The following TLN2 variants were observed in gnomAD, a reference collection of about 807,000 sequenced individuals.
TLN2 encodes the protein talin 2.
Under a neutral mutation model 294.7 loss-of-function variants are expected in TLN2, and 118 were observed. The ratio of observed to expected loss-of-function variants is 0.40; its 90% confidence interval spans 0.34 to 0.47. The LOEUF is 0.47. Among genes scored for constraint, TLN2 ranks in the 20% least tolerant of loss-of-function variants. The pLI is 0.84. For missense variants in TLN2, 3,083 were observed against 3,282.2 expected (o/e 0.94, Z 1.48); for synonymous variants, 1,431 against 1,304.5 (o/e 1.10, Z -2.09).
At position 62,711,913 on chromosome 15, in the gene TLN2, G is replaced by A. The variant is rs1379307798; in HGVS notation, c.2470G>A (p.Glu824Lys). The A allele has an allele frequency of 1.2e-6, 2 of 1,606,626 alleles. No individual in the cohort carries two copies. Among genetic ancestry groups the A allele is most frequent in the South Asian group, 2.2e-5 (2 of 90,788 alleles). ...SIFSSMGDAGEMVRQARVLAQ... is the reference protein window; with the variant it reads ...SIFSSMGDAGKMVRQARVLAQ... ...TCATCCTCTATTCTGTCTTCTAGGT[G>A]AAATGGTGCGCCAGGCGCGGGTTCT... is the stretch of plus-strand genomic sequence containing the variant. Residue 824 changes from glutamate (E) to lysine (K), a missense_variant and splice_region_variant, in exon 22 of 59, where the codon GAA (glutamate) becomes AAA (lysine). Transcript: ENST00000636159.
intron 49 of TLN2, 39 bp downstream of exon 49, chr15:62,800,532 C>G (rs754686931): frequency 1.2e-6 from 2 of 1,611,832 alleles, no homozygotes; most frequent in East Asian, 2.2e-5. Flanking sequence ...CACCTGAGTT[C>G]TCTTCTCACT....
chr15:62,490,698 T>C (rs539481975), intron 1 of TLN2, among the ~76,000 whole-genome samples: 7 of 152,232 alleles, frequency 4.6e-5, no homozygotes, highest in Non-Finnish European at 1.0e-4. Context: ...GTGGAATTTT[T>C]TTGCATGAGG....
chr15:62,462,654 T>C (rs1004751131), intron 1 of TLN2, among the ~76,000 whole-genome samples: 1 of 152,126 alleles, frequency 6.6e-6, no homozygotes, highest in African/African-American at 2.4e-5. Flanking sequence ...ATAGGCTGAA[T>C]AATGAGAGAC....
At chr15:62,633,621 A>G (rs141224042) in intron 3 of TLN2, among the ~76,000 whole-genome samples, 12 of 152,246 alleles carry the variant, frequency 7.9e-5, no homozygotes, top group Non-Finnish European at 1.5e-4. Context: ...ATATTCACAC[A>G]CGTTTATAAT....
At chr15:62,825,817 A>ATATTATAT (rs1491542725) in intron 54 of TLN2, among the ~76,000 whole-genome samples, 3 of 22,254 alleles carry the variant, frequency 1.3e-4, no homozygotes, top group African/African-American at 6.1e-4. Flanking sequence ...ATTATATTAT[A>ATATTATAT]ATATATATTA....
intron 1 of TLN2, among the ~76,000 whole-genome samples, chr15:62,573,423 C>T (rs974065233): frequency 6.6e-6 from 1 of 152,124 alleles, no homozygotes; most frequent in Non-Finnish European, 1.5e-5. Flanking sequence ...TACCTTGGCT[C>T]GGCCCTCTTC....
At chr15:62,513,954 C>T (rs2040057474) in intron 1 of TLN2, among the ~76,000 whole-genome samples, 1 of 152,218 alleles carries the variant, frequency 6.6e-6, no homozygotes, top group South Asian at 2.1e-4. Context: ...TTCCAGATCT[C>T]TTACAAGTTA....
intron 2 of TLN2, among the ~76,000 whole-genome samples, chr15:62,606,248 A>ATTTTTTTTTTTTT (rs771750764): frequency 7.3e-6 from 1 of 136,764 alleles, no homozygotes; most frequent in Non-Finnish European, 1.6e-5. Flanking sequence ...TGCTTGGCTA[A>ATTTTTTTTTTTTT]TTTTTTTTTT....
At chr15:62,586,636 A>G (rs529879267) in intron 1 of TLN2, among the ~76,000 whole-genome samples, 1 of 152,384 alleles carries the variant, frequency 6.6e-6, no homozygotes, top group African/African-American at 2.4e-5. Flanking sequence ...CATAGAAAAC[A>G]TTATTTCATA....
intron 1 of TLN2, among the ~76,000 whole-genome samples, chr15:62,556,536 A>G (rs1441846790): frequency 6.6e-6 from 1 of 151,798 alleles, no homozygotes; most frequent in African/African-American, 2.4e-5. Context: ...TGGTCTCAAG[A>G]GATCCTCCTG....
intron 35 of TLN2, among the ~76,000 whole-genome samples, chr15:62,753,097 A>C (rs1384105713): frequency 6.6e-6 from 1 of 152,122 alleles, no homozygotes; most frequent in Non-Finnish European, 1.5e-5. Flanking sequence ...CTATGCACAG[A>C]TTCATTTTTT....
intron 2 of TLN2, among the ~76,000 whole-genome samples, chr15:62,599,182 T>A (rs1395811241): frequency 1.3e-5 from 2 of 152,174 alleles, no homozygotes; most frequent in Non-Finnish European, 2.9e-5. Context: ...AAAGGAAACA[T>A]CTTTAGAGCT....
chr15:62,422,843 C>T (rs2456936), intron 1 of TLN2, among the ~76,000 whole-genome samples: 34,266 of 152,148 alleles, frequency 0.23, 5,020 homozygotes, highest in East Asian at 0.65. Flanking sequence ...TGTGGAAACT[C>T]GTAAGCTGGT....
At chr15:62,797,013 G>A (rs190708647) in intron 47 of TLN2, among the ~76,000 whole-genome samples, 27 of 152,356 alleles carry the variant, frequency 1.8e-4, no homozygotes, top group African/African-American at 6.0e-4. Flanking sequence ...CTATGTGAAT[G>A]AATACTGGTT....
At chr15:62,605,336 C>T (rs1232848214) in intron 2 of TLN2, among the ~76,000 whole-genome samples, 4 of 152,116 alleles carry the variant, frequency 2.6e-5, no homozygotes, top group South Asian at 4.1e-4. Flanking sequence ...GTATTTTATA[C>T]GTAACATTTT....
chr15:62,397,470 C>G (rs1258178982), intron 1 of TLN2, among the ~76,000 whole-genome samples: 1 of 152,088 alleles, frequency 6.6e-6, no homozygotes, highest in Non-Finnish European at 1.5e-5. Flanking sequence ...CACTGTGTTG[C>G]CCAGAGTGGT....
At chr15:62,539,899 C>CAAAAAAAAAA (rs529006528) in intron 1 of TLN2, among the ~76,000 whole-genome samples, 1 of 111,212 alleles carries the variant, frequency 9.0e-6, no homozygotes. Context: ...CACAGGAGAC[C>CAAAAAAAAAA]AAAAAAAAAA....
intron 58 of TLN2, among the ~76,000 whole-genome samples, chr15:62,839,282 A>C (rs2070291588): frequency 6.6e-6 from 1 of 152,222 alleles, no homozygotes; most frequent in African/African-American, 2.4e-5. Flanking sequence ...ACGTCCTCTC[A>C]CATACCATTG....
Position 62,545,844 on chromosome 15 carries a change from A to G in TLN2, c.-237-43843A>G, listed in dbSNP as rs937086753. Among the ~76,000 whole-genome samples, 6 of 152,126 alleles carry G rather than the reference A, an allele frequency of 3.9e-5. No individual in the cohort carries two copies. In the East Asian group the frequency reaches 9.6e-4, roughly 24 times the overall value. ...AAATGGATATCCGGAATATCAAACC[A>G]AAGTTGGGGGTGTTTGTATCCCAGA... On this transcript the variant is annotated intron_variant, in intron 1 of 58. Transcript: ENST00000636159.
Sources: allele counts gnomAD v4.1 joint callset (sites outside exome capture counted in the v4.1 genomes callset), GRCh38; gene constraint gnomAD v4.1.1; transcripts MANE v1.5; gene names NCBI Gene and HGNC (gene_info 2026-07-23, HGNC 2026-07-21).